Variants in TMEM30A observed in about 807,000 individuals in gnomAD.
TMEM30A encodes the protein cell cycle control protein 50A.
In TMEM30A, 24 loss-of-function variants were observed where a neutral mutation model predicts 38.2. The ratio of observed to expected loss-of-function variants is 0.63; its 90% confidence interval spans 0.46 to 0.88. The LOEUF is 0.88. Ranked by LOEUF, TMEM30A falls within the 40% of genes least tolerant of loss-of-function variation. TMEM30A has a pLI of 0.00. For synonymous variants in TMEM30A, 145 were observed against 161.6 expected, an observed-to-expected ratio of 0.90 and a Z score of 0.78; for missense variants, 370 against 458.6, an observed-to-expected ratio of 0.81 and a Z score of 1.77.
At position 75,254,003 on chromosome 6, in the gene TMEM30A, C is replaced by T. The variant is rs2149516868; in HGVS notation, c.*2099G>A. On this transcript the variant is annotated 3_prime_UTR_variant, in exon 7 of 7. Transcript: ENST00000230461. ...TAAAGCCTATAAGAAAAAGAAATGT[C>T]TTCCCTCCCCCCATGCTTCACAGAG... 1 of 152,152 alleles carries T rather than the reference C, an allele frequency of 6.6e-6. No homozygotes were observed. Among genetic ancestry groups the T allele is most frequent in the Non-Finnish European group, 1.5e-5 (1 of 67,976 alleles). 9.4% of individuals were successfully genotyped at this position (152,152 alleles called of 1,614,324 possible).
rs749679783 is a variant in TMEM30A, at chr6:75,254,256, T to C, written c.*1846A>G. On this transcript the variant is annotated 3_prime_UTR_variant, in exon 7 of 7. Transcript: ENST00000230461. ...CCCAGTTAGAAAAAGAGTTGCAGGA[T>C]GGTAGTCCTCCTTAAACAGCACAGA... 2 of 152,128 alleles carry C rather than the reference T, an allele frequency of 1.3e-5. No individual in the cohort carries two copies. Among genetic ancestry groups the C allele is most frequent in the Non-Finnish European group, 2.9e-5 (2 of 68,008 alleles). 9.4% of individuals were successfully genotyped at this position (152,128 alleles called of 1,614,324 possible).
chr6:75,280,340 A>G (rs1772336294), intron 1 of TMEM30A, among the ~76,000 whole-genome samples: 1 of 152,200 alleles, frequency 6.6e-6, no homozygotes, highest in South Asian at 2.1e-4. Flanking sequence ...AAGAGGCCAG[A>G]AAGTAAATAC....
In TMEM30A at chr6:75,254,420, G is replaced by C. The variant is rs1191787389; in HGVS notation, c.*1682C>G. ...ACAAAACAGACTATTTTTAGACAAA[G>C]AACACACCAAATACTCCGAAATTTC... On this transcript the variant is annotated 3_prime_UTR_variant, in exon 7 of 7. Transcript: ENST00000230461. 1 of 151,942 alleles carries C rather than the reference G, an allele frequency of 6.6e-6. No individual in the cohort carries two copies. The highest frequency in any genetic ancestry group is 1.5e-5 in the Non-Finnish European group (1 of 67,948). 9.4% of individuals were successfully genotyped at this position (151,942 alleles called of 1,614,324 possible). A position where few individuals can be genotyped will look rare whatever the true frequency, so the allele number is the denominator to read the frequency against.
rs1189122244 is a variant in TMEM30A at position 75,252,927 on chromosome 6, GT to G, written c.*3174del. The G allele has an allele frequency of 6.6e-6, 1 of 152,058 alleles. No homozygotes were observed. Among genetic ancestry groups the G allele is most frequent in the Admixed American group, 6.6e-5 (1 of 15,254 alleles). The allele number at this position is 152,058 out of a possible 1,614,324, so 9.4% of individuals were successfully genotyped here. The stretch of plus-strand genomic sequence containing the variant: ...AAATAAGGCCACCACGGTCTGATTT[GT>G]TTTTAGACAAGATATTTATTTTGAA... On this transcript the variant is annotated 3_prime_UTR_variant, in exon 7 of 7. Coordinates refer to ENST00000230461, the MANE Select transcript of TMEM30A (RefSeq NM_018247.4).
At chr6:75,259,078 G>C in intron 5 of TMEM30A, 92 bp from the exon 6 acceptor site, 3 of 1,091,002 alleles carry the variant, frequency 2.7e-6, no homozygotes, top group Non-Finnish European at 2.6e-6. Flanking sequence ...TAATAAATAG[G>C]GGTTTATTCA....
chr6:75,284,359 C>G, intron 1 of TMEM30A, 43 bp downstream of exon 1: 1 of 1,587,790 alleles, frequency 6.3e-7, no homozygotes, highest in South Asian at 1.1e-5. Flanking sequence ...TAGGACCCTC[C>G]TCCCGAGCAA....
At chr6:75,276,029 G>A (rs754541198) in intron 1 of TMEM30A, among the ~76,000 whole-genome samples, 1 of 152,060 alleles carries the variant, frequency 6.6e-6, no homozygotes, top group Non-Finnish European at 1.5e-5. Context: ...GATCACCAAC[G>A]GTCAATTATT....
chr6:75,274,119 G>A lies in TMEM30A; in HGVS notation c.238-6371C>T, dbSNP rs80292310. 7.1e-3 allele frequency among the ~76,000 whole-genome samples: 1,075 copies of A among 152,286 alleles called. 33 individuals carry two copies. The East Asian group carries it at 0.11, about 15-fold the overall frequency. Reference sequence around the variant, plus strand: ...CTGAGAGAAGCATATATACCAGGTGGAAAAAGGAGAATCAAGGAAGACTTT... The same window carrying A: ...CTGAGAGAAGCATATATACCAGGTGAAAAAAGGAGAATCAAGGAAGACTTT... On this transcript the variant is annotated intron_variant, in intron 1 of 6. Coordinates refer to ENST00000230461, the MANE Select transcript of TMEM30A (RefSeq NM_018247.4).
At chr6:75,261,407 T>G (rs1446078715) in intron 3 of TMEM30A, among the ~76,000 whole-genome samples, 1 of 152,184 alleles carries the variant, frequency 6.6e-6, no homozygotes, top group Non-Finnish European at 1.5e-5. Flanking sequence ...ATCCTATATC[T>G]AAGAAAGGAA....
chr6:75,282,975 T>C (rs1772384077), intron 1 of TMEM30A, among the ~76,000 whole-genome samples: 1 of 152,080 alleles, frequency 6.6e-6, no homozygotes, highest in African/African-American at 2.4e-5. Flanking sequence ...GGGATCCCAG[T>C]ATGGTTAGAA....
intron 4 of TMEM30A, among the ~76,000 whole-genome samples, chr6:75,260,085 T>C (rs1042719125): frequency 2.0e-5 from 3 of 152,182 alleles, no homozygotes; most frequent in Non-Finnish European, 4.4e-5. Flanking sequence ...TTTCTTTTCA[T>C]AGTTTTAAAT....
chr6:75,273,424 C>T (rs1354818199), intron 1 of TMEM30A, among the ~76,000 whole-genome samples: 1 of 151,656 alleles, frequency 6.6e-6, no homozygotes, highest in Non-Finnish European at 1.5e-5. Flanking sequence ...TAGCACCTGA[C>T]CTCCTGGAGT....
intron 1 of TMEM30A, 182 bp downstream of exon 1, chr6:75,284,220 C>G (rs1336060423): frequency 1.5e-6 from 1 of 668,342 alleles, no homozygotes; most frequent in Admixed American, 2.4e-5. Flanking sequence ...TAGGACAAAC[C>G]TGCAAATTCA....
chr6:75,280,861 T>C (rs776676812), intron 1 of TMEM30A, among the ~76,000 whole-genome samples: 27 of 152,180 alleles, frequency 1.8e-4, no homozygotes, highest in Non-Finnish European at 3.7e-4. Context: ...AGCCTAAGTA[T>C]AACAAAGATT....
Position 75,273,581 on chromosome 6 carries a change from G to C in TMEM30A, c.238-5833C>G, listed in dbSNP as rs76391681. ...AGCTGCCGAGTAGATGTTATCTACA[G>C]GGAGAGAGTACAAAGAGAGACTACA... On this transcript the variant is annotated intron_variant, in intron 1 of 6. Transcript: ENST00000230461. 7.0e-3 allele frequency among the ~76,000 whole-genome samples: 1,072 copies of C among 152,228 alleles called. 33 individuals carry two copies. In the East Asian group the frequency reaches 0.11, roughly 15 times the overall value.
Position 75,265,262 on chromosome 6 carries a change from C to A in TMEM30A, c.422G>T (p.Ser141Ile). 6.2e-7 allele frequency: 1 copy of A among 1,610,462 alleles called. No homozygotes were observed. The highest frequency in any genetic ancestry group is 8.5e-7 in the Non-Finnish European group (1 of 1,177,786). Residue 141 changes from serine to isoleucine, a missense_variant, in exon 3 of 7, where the codon AGT becomes ATT. Coordinates refer to ENST00000230461, the MANE Select transcript of TMEM30A (RefSeq NM_018247.4). The stretch of plus-strand genomic sequence containing the variant: ...AGCACTAGAATCTCCATTTAGTTGA[C>A]TATCATCTCGAGATTTCACGTAACG... ...HRRYVKSRDD[S>I]QLNGDSSALL...
At chr6:75,275,184 C>T (rs1470308001) in intron 1 of TMEM30A, among the ~76,000 whole-genome samples, 2 of 152,144 alleles carry the variant, frequency 1.3e-5, no homozygotes, top group Non-Finnish European at 2.9e-5. Context: ...TCCTCCTTAG[C>T]TCCCCAGCCT....
chr6:75,258,136 A>G (rs927146997), intron 6 of TMEM30A, among the ~76,000 whole-genome samples: 1 of 152,162 alleles, frequency 6.6e-6, no homozygotes, highest in African/African-American at 2.4e-5. Context: ...ACCTGTGTAA[A>G]GTCAGCTAAG....
chr6:75,280,975 A>G (rs1489328451), intron 1 of TMEM30A, among the ~76,000 whole-genome samples: 5 of 152,156 alleles, frequency 3.3e-5, no homozygotes, highest in Admixed American at 2.6e-4. Context: ...AAACTAGGAC[A>G]ACAGAAAATA....
Sources: allele counts gnomAD v4.1 joint callset (sites outside exome capture counted in the v4.1 genomes callset), GRCh38; gene constraint gnomAD v4.1.1; transcripts MANE v1.5; gene names NCBI Gene and HGNC (gene_info 2026-07-23, HGNC 2026-07-21).